The following MAP4 variants were observed in gnomAD, a reference collection of about 807,000 sequenced individuals.
MAP4 encodes the protein microtubule-associated protein 4.
Under a neutral mutation model 170.2 loss-of-function variants are expected in MAP4, and 76 were observed. That is an observed-to-expected ratio of 0.45 (90% CI 0.37 to 0.54). The LOEUF (loss-of-function observed/expected upper bound fraction) is 0.54, where lower values mean the gene tolerates loss of function less well. Ranked by LOEUF, MAP4 falls within the 20% of genes least tolerant of loss-of-function variation. The pLI is 0.00. For synonymous variants in MAP4, 909 were observed against 994.5 expected (o/e 0.91, Z 1.62); for missense variants, 2,506 against 2,748.0 (o/e 0.91, Z 1.97).
chr3:48,085,191 TAA>T (rs896066878), intron 1 of MAP4, among the ~76,000 whole-genome samples: 13 of 98,860 alleles, frequency 1.3e-4, no homozygotes, highest in Middle Eastern at 5.7e-3. Flanking sequence ...GCTTAATCTT[TAA>T]AAAAAAAAAA....
chr3:47,895,440 C>A (rs1195598805), intron 10 of MAP4, among the ~76,000 whole-genome samples: 1 of 152,204 alleles, frequency 6.6e-6, no homozygotes, highest in African/African-American at 2.4e-5. Context: ...TGACTTCAAC[C>A]TGGGACTCCA....
chr3:47,865,553 A>G (rs2077936140), intron 17 of MAP4, among the ~76,000 whole-genome samples: 1 of 152,226 alleles, frequency 6.6e-6, no homozygotes, highest in Non-Finnish European at 1.5e-5. Context: ...TCATGGCCGC[A>G]TTCCTCATGA....
At chr3:47,929,348 T>C (rs548052823) in intron 3 of MAP4, among the ~76,000 whole-genome samples, 1 of 152,128 alleles carries the variant, frequency 6.6e-6, no homozygotes, top group Admixed American at 6.5e-5. Flanking sequence ...AGAGCAAGAC[T>C]GTACCAACTC....
At chr3:48,078,454 C>T (rs570343800) in intron 1 of MAP4, among the ~76,000 whole-genome samples, 1 of 151,868 alleles carries the variant, frequency 6.6e-6, no homozygotes, top group South Asian at 2.1e-4. Flanking sequence ...ACCATGCCTA[C>T]CCCAAATTGT....
At chr3:47,977,774 T>A in intron 3 of MAP4, 91 bp downstream of exon 3, 1 of 858,256 alleles carries the variant, frequency 1.2e-6, no homozygotes, top group Non-Finnish European at 1.9e-6. Context: ...ATTCATATGC[T>A]TCCATTAATA....
chr3:47,928,545 A>G (rs185355101), intron 3 of MAP4, among the ~76,000 whole-genome samples, 195 bp from the exon 4 acceptor site: 2 of 152,252 alleles, frequency 1.3e-5, no homozygotes, highest in Admixed American at 1.3e-4. Flanking sequence ...AGCCCCATTT[A>G]CTTGGGAGAC....
chr3:47,955,977 C>CA (rs1408170526), intron 3 of MAP4, among the ~76,000 whole-genome samples: 2 of 152,134 alleles, frequency 1.3e-5, no homozygotes, highest in East Asian at 3.8e-4. Flanking sequence ...AATCTATGCC[C>CA]TCTTTTGCAG....
At chr3:47,996,972 G>T (rs1005350303) in intron 2 of MAP4, among the ~76,000 whole-genome samples, 9 of 152,012 alleles carry the variant, frequency 5.9e-5, no homozygotes, top group African/African-American at 2.2e-4. Flanking sequence ...AAATGCTAAA[G>T]TAGATAATGC....
At chr3:47,977,524 A>AC (rs1255353250) in intron 3 of MAP4, among the ~76,000 whole-genome samples, 1 of 152,202 alleles carries the variant, frequency 6.6e-6, no homozygotes, top group African/African-American at 2.4e-5. Context: ...CAGGGAACAG[A>AC]CCTGCTGTTT....
intron 9 of MAP4, among the ~76,000 whole-genome samples, chr3:47,906,807 C>T (rs928410542): frequency 5.7e-5 from 8 of 141,454 alleles, no homozygotes; most frequent in African/African-American, 8.2e-5. Flanking sequence ...AAAAAAAAAA[C>T]AAAAAAAAGA....
At chr3:47,864,858 CTTTT>C in intron 17 of MAP4, among the ~76,000 whole-genome samples, 1 of 152,072 alleles carries the variant, frequency 6.6e-6, no homozygotes, top group East Asian at 1.9e-4. Context: ...CAGAGCAAGA[CTTTT>C]TTTTGTAGAG....
chr3:48,008,553 T>C (rs981134812), intron 1 of MAP4, among the ~76,000 whole-genome samples: 1 of 152,220 alleles, frequency 6.6e-6, no homozygotes, highest in African/African-American at 2.4e-5. Flanking sequence ...GTCAGGGACT[T>C]GGAAGGAGCA....
chr3:47,991,976 C>T (rs1439642277), intron 2 of MAP4, among the ~76,000 whole-genome samples: 1 of 150,958 alleles, frequency 6.6e-6, no homozygotes, highest in Non-Finnish European at 1.5e-5. Context: ...CAGTAAGACC[C>T]TGTCTTCAAA....
chr3:48,055,723 G>A (rs1192391012), intron 1 of MAP4, among the ~76,000 whole-genome samples: 2 of 85,726 alleles, frequency 2.3e-5, no homozygotes, highest in Admixed American at 1.1e-4. Flanking sequence ...AGTGAGGAGC[G>A]TCTCCGCCCG....
chr3:47,955,257 C>T (rs1012218883), intron 3 of MAP4, among the ~76,000 whole-genome samples: 2 of 152,042 alleles, frequency 1.3e-5, no homozygotes, highest in African/African-American at 4.8e-5. Context: ...CTGCTATTAA[C>T]CTGAATAATG....
chr3:48,004,620 C>T (rs1434531772), intron 1 of MAP4, among the ~76,000 whole-genome samples: 1 of 152,162 alleles, frequency 6.6e-6, no homozygotes, highest in Non-Finnish European at 1.5e-5. Context: ...TCTTATCATG[C>T]GAGTGGCTGA....
chr3:47,974,711 TG>T, intron 3 of MAP4: 1 of 979,832 alleles, frequency 1.0e-6, no homozygotes, highest in East Asian at 1.1e-4. Context: ...AAATTAGGAA[TG>T]GGAATAAGAA....
intron 3 of MAP4, chr3:47,975,603 T>C (rs2100081599): frequency 1.4e-6 from 1 of 715,978 alleles, no homozygotes; most frequent in African/African-American, 1.8e-5. Flanking sequence ...GCTGGTTTGC[T>C]CTCGGGACTA....
At chr3:48,061,794 G>A (rs2100135597) in intron 1 of MAP4, among the ~76,000 whole-genome samples, 1 of 151,568 alleles carries the variant, frequency 6.6e-6, no homozygotes, top group Non-Finnish European at 1.5e-5. Context: ...GAGGGAGGTG[G>A]GGGGCAGCCC....
Sources: gnomAD v4.1 joint callset for allele counts (sites outside exome capture counted in the v4.1 genomes callset) on GRCh38, gnomAD v4.1.1 for gene constraint, MANE v1.5 for transcripts, NCBI Gene and HGNC (gene_info 2026-07-23, HGNC 2026-07-21) for gene names.